TEX48: variants seen among roughly 807,000 people sequenced by gnomAD.
TEX48 encodes the protein testis-expressed protein 48.
In TEX48, 10 loss-of-function variants were observed where a neutral mutation model predicts 13.2. That is an observed-to-expected ratio of 0.75 (90% confidence interval 0.47 to 1.28). The LOEUF (loss-of-function observed/expected upper bound fraction) is 1.28. Among genes scored for constraint, TEX48 ranks in the 50% most tolerant of loss-of-function variants. The pLI is 0.00. For synonymous variants in TEX48, 45 were observed against 52.3 expected, an observed-to-expected ratio of 0.86 and a Z score of 0.60; for missense variants, 116 against 139.4, an observed-to-expected ratio of 0.83 and a Z score of 0.84.
At chr9:114,679,067 G>C (rs1284058831) in intron 1 of TEX48, among the ~76,000 whole-genome samples, 1 of 151,828 alleles carries the variant, frequency 6.6e-6, no homozygotes, top group East Asian at 1.9e-4. Context: ...ACAAAATGAT[G>C]AATCAATAGG....
intron 3 of TEX48, among the ~76,000 whole-genome samples, chr9:114,668,837 T>C (rs1243621976): frequency 1.3e-5 from 2 of 152,126 alleles, no homozygotes; most frequent in African/African-American, 4.8e-5. Flanking sequence ...ATTTTACTTA[T>C]CTATTTATTT....
chr9:114,671,181 A>G (rs1827938812), intron 3 of TEX48, among the ~76,000 whole-genome samples: 1 of 152,202 alleles, frequency 6.6e-6, no homozygotes. Flanking sequence ...TTGCTGGCCC[A>G]TAGACTACAC....
chr9:114,672,197 G>A lies in TEX48; in HGVS notation c.-104-370C>T, dbSNP rs557349645. On this transcript the variant is annotated intron_variant, in intron 1 of 4. Coordinates refer to ENST00000436752, the MANE Select transcript of TEX48 (RefSeq NM_001199233.2). The stretch of plus-strand genomic sequence containing the variant: ...TCACTGGCTTCCAATGATCCCAGCT[G>A]GTCCAGGTCCTATGGAAAGGAAGCA... Among the ~76,000 whole-genome samples the A allele has an allele frequency of 2.6e-5, 4 of 152,228 alleles. 1 individual carries two copies. The highest frequency in any genetic ancestry group is 9.6e-5 in the African/African-American group (4 of 41,530).
Position 114,666,619 on chromosome 9 carries a change from C to A in TEX48, c.*24G>T. 1 of 1,373,228 alleles carries A rather than the reference C, an allele frequency of 7.3e-7. No individual in the cohort carries two copies. Among genetic ancestry groups the A allele is most frequent in the Non-Finnish European group, 9.9e-7 (1 of 1,010,386 alleles). 85.1% of individuals were successfully genotyped at this position (1,373,228 alleles called of 1,614,324 possible). A position where few individuals can be genotyped will look rare whatever the true frequency, so the allele number is the denominator to read the frequency against. Reference sequence around the variant, plus strand: ...CTTCCTCATGGAGATGCCCCAGCAGCTGTGCAGCCGCCGGCTAGAATGCTC... The same window carrying A: ...CTTCCTCATGGAGATGCCCCAGCAGATGTGCAGCCGCCGGCTAGAATGCTC... On this transcript the variant is annotated 3_prime_UTR_variant, in exon 5 of 5. Transcript: ENST00000436752.
At chr9:114,672,451 G>A (rs918124464) in intron 1 of TEX48, among the ~76,000 whole-genome samples, 3 of 152,174 alleles carry the variant, frequency 2.0e-5, no homozygotes, top group African/African-American at 7.2e-5. Flanking sequence ...GATACATTCT[G>A]TTCTCACTCC....
chr9:114,682,032 C>G lies in TEX48; in HGVS notation c.-105+3G>C, dbSNP rs947539118. 2 of 152,382 alleles carry G rather than the reference C, an allele frequency of 1.3e-5. No homozygotes were observed. The highest frequency in any genetic ancestry group is 2.9e-5 in the Non-Finnish European group (2 of 68,210). 9.4% of individuals were successfully genotyped at this position (152,382 alleles called of 1,614,324 possible). ...TTTGGTTTAAACTGTGAGCCCCACT[C>G]ACCTGCAGCTGGCAGAGTAGACAGA... On this transcript the variant is annotated splice_donor_region_variant and intron_variant, in intron 1 of 4. Transcript: ENST00000436752.
At chr9:114,668,400 A>G (rs1827882079) in intron 3 of TEX48, 63 bp from the exon 4 acceptor site, 6 of 1,466,868 alleles carry the variant, frequency 4.1e-6, no homozygotes, top group Admixed American at 3.9e-5. Context: ...GGAAGTGAAG[A>G]TGTTTTGCAA....
Position 114,671,642 on chromosome 9 carries a change from A to C in TEX48, c.4+78T>G, listed in dbSNP as rs572972672. 6 of 1,533,302 alleles carry C rather than the reference A, an allele frequency of 3.9e-6. No individual in the cohort carries two copies. The South Asian group carries it at 6.0e-5, about 15-fold the overall frequency. The allele number at this position is 1,533,302 out of a possible 1,614,324, so 95.0% of individuals were successfully genotyped here. On this transcript the variant is annotated intron_variant, in intron 2 of 4. Coordinates refer to ENST00000436752, the MANE Select transcript of TEX48 (RefSeq NM_001199233.2). ...AATATAATACTCCTCCCCTCTCCCA[A>C]ATCTTCTGTAGCTTCCCATGGCCAG...
chr9:114,681,807 C>T (rs1828205630), intron 1 of TEX48, among the ~76,000 whole-genome samples: 1 of 117,880 alleles, frequency 8.5e-6, no homozygotes, highest in Non-Finnish European at 1.6e-5. Context: ...TGAGGTCAAA[C>T]AGGAAGGCTT....
chr9:114,667,036 C>T (rs576581653), intron 4 of TEX48, among the ~76,000 whole-genome samples: 1 of 152,172 alleles, frequency 6.6e-6, no homozygotes, highest in African/African-American at 2.4e-5. Flanking sequence ...CTGACACTTA[C>T]GTCATTCCCT....
intron 1 of TEX48, among the ~76,000 whole-genome samples, chr9:114,674,812 ACAGGTGCATGCCACCATGTC>A (rs921440615): frequency 1.3e-5 from 2 of 149,874 alleles, no homozygotes; most frequent in African/African-American, 4.9e-5. Context: ...AGCTGGGACT[ACAGGTGCATGCCACCATGTC>A]CAGCAAATTC....
At position 114,667,691 on chromosome 9, in the gene TEX48, G is replaced by T. The variant is rs143262635; in HGVS notation, c.259+515C>A. Among the ~76,000 whole-genome samples the T allele has an allele frequency of 4.6e-4, 70 of 152,238 alleles. No individual in the cohort carries two copies. In the East Asian group the frequency reaches 8.3e-3, roughly 18 times the overall value. ...AGGTAGGTGGATCACTTGAGGTCAG[G>T]AGTTCGTGACCAGCCTGGCCAACAT... On this transcript the variant is annotated intron_variant, in intron 4 of 4. Coordinates refer to ENST00000436752, the MANE Select transcript of TEX48 (RefSeq NM_001199233.2).
chr9:114,679,564 T>G (rs1348825011), intron 1 of TEX48, among the ~76,000 whole-genome samples: 1 of 152,172 alleles, frequency 6.6e-6, no homozygotes, highest in Admixed American at 6.6e-5. Context: ...GCTTGCTTGT[T>G]GATATGGTTT....
chr9:114,670,183 G>T (rs1827919201), intron 3 of TEX48, among the ~76,000 whole-genome samples: 1 of 152,174 alleles, frequency 6.6e-6, no homozygotes, highest in Admixed American at 6.5e-5. Context: ...CTCTGAAACA[G>T]TAAGGGATTT....
At chr9:114,681,997 C>A (rs1236876267) in intron 1 of TEX48, 38 bp downstream of exon 1, 1 of 152,210 alleles carries the variant, frequency 6.6e-6, no homozygotes, top group Non-Finnish European at 1.5e-5. Context: ...AAAATTATCA[C>A]CTCCCGCCCT....
intron 1 of TEX48, among the ~76,000 whole-genome samples, chr9:114,672,248 G>A (rs571666202): frequency 6.6e-6 from 1 of 152,106 alleles, no homozygotes; most frequent in Admixed American, 6.5e-5. Context: ...TTAAATTCTG[G>A]TTTTGCCACT....
chr9:114,679,362 G>A (rs1184852782), intron 1 of TEX48, among the ~76,000 whole-genome samples: 1 of 151,130 alleles, frequency 6.6e-6, no homozygotes, highest in East Asian at 1.9e-4. Flanking sequence ...AGAATTTGGA[G>A]TCTGTGGAGA....
intron 1 of TEX48, among the ~76,000 whole-genome samples, chr9:114,681,163 AT>A (rs1156770089): frequency 1.3e-5 from 2 of 152,118 alleles, no homozygotes; most frequent in African/African-American, 4.8e-5. Flanking sequence ...TTGCACCTTG[AT>A]TTTTTTCAAT....
intron 1 of TEX48, among the ~76,000 whole-genome samples, chr9:114,674,428 T>C (rs1438880944): frequency 2.6e-5 from 4 of 151,710 alleles, no homozygotes; most frequent in Non-Finnish European, 5.9e-5. Flanking sequence ...TCACCTTTTC[T>C]AGTGAGACTT....
Sources: gnomAD v4.1 joint callset for allele counts (sites outside exome capture counted in the v4.1 genomes callset) on GRCh38, gnomAD v4.1.1 for gene constraint, MANE v1.5 for transcripts, NCBI Gene and HGNC (gene_info 2026-07-23, HGNC 2026-07-21) for gene names.